MACROD2: variants seen among roughly 807,000 people sequenced by gnomAD.
MACROD2 encodes the protein ADP-ribose glycohydrolase MACROD2.
Under a neutral mutation model 70.4 loss-of-function variants are expected in MACROD2, and 36 were observed. That is an observed-to-expected ratio of 0.51 (90% CI 0.39 to 0.68). MACROD2 has a LOEUF of 0.68. Ranked by LOEUF, MACROD2 falls within the 30% of genes least tolerant of loss-of-function variation. The pLI, the probability that MACROD2 is intolerant of heterozygous loss-of-function variation, is 0.00. For synonymous variants in MACROD2, 172 were observed against 178.8 expected (o/e 0.96, Z 0.30); for missense variants, 496 against 538.4 (o/e 0.92, Z 0.78).
intron 3 of MACROD2, among the ~76,000 whole-genome samples, chr20:14,204,134 TG>T (rs1462465259): frequency 1.3e-5 from 2 of 152,084 alleles, no homozygotes; most frequent in African/African-American, 4.8e-5. Context: ...GACCTGCCAC[TG>T]GAGGGGGTGG....
intron 5 of MACROD2, among the ~76,000 whole-genome samples, chr20:14,803,202 A>G (rs1239219182): frequency 6.6e-6 from 1 of 152,138 alleles, no homozygotes; most frequent in Admixed American, 6.5e-5. Context: ...TCTATTACCA[A>G]GAAGTGGAGA....
At chr20:15,510,726 A>G (rs2047487488) in intron 8 of MACROD2, among the ~76,000 whole-genome samples, 1 of 152,226 alleles carries the variant, frequency 6.6e-6, no homozygotes, top group Non-Finnish European at 1.5e-5. Flanking sequence ...GGCTCAATGG[A>G]AAACATACTG....
At chr20:16,035,058 A>T (rs1438251806) in intron 15 of MACROD2, among the ~76,000 whole-genome samples, 1 of 136,350 alleles carries the variant, frequency 7.3e-6, no homozygotes, top group South Asian at 2.2e-4. Context: ...ATAGAATATA[A>T]AATATTATAT....
At position 16,050,764 on chromosome 20, in the gene MACROD2, G is replaced by C. The variant is rs1168453268; in HGVS notation, c.*888G>C. On this transcript the variant is annotated 3_prime_UTR_variant, in exon 18 of 18. Coordinates refer to ENST00000684519, the MANE Select transcript of MACROD2 (RefSeq NM_001351661.2). ...AAACATATGCCTATGAATATCAAAA[G>C]CTCCTCCTGAAATTGCTGTGAGTTT... 1 of 152,214 alleles carries C rather than the reference G, an allele frequency of 6.6e-6. No individual in the cohort carries two copies. The highest frequency in any genetic ancestry group is 1.5e-5 in the Non-Finnish European group (1 of 68,050). 9.4% of individuals were successfully genotyped at this position (152,214 alleles called of 1,614,324 possible).
chr20:14,213,383 A>AAAAAAAAAAAC (rs2081587021), intron 3 of MACROD2, among the ~76,000 whole-genome samples: 1 of 149,288 alleles, frequency 6.7e-6, no homozygotes, highest in Non-Finnish European at 1.5e-5. Flanking sequence ...AAAAAAAAAA[A>AAAAAAAAAAAC]AAAGGCCAAT....
intron 5 of MACROD2, among the ~76,000 whole-genome samples, chr20:14,931,205 G>A (rs901132165): frequency 3.5e-4 from 54 of 152,146 alleles, no homozygotes; most frequent in African/African-American, 1.3e-3. Context: ...GGGATGGCTC[G>A]GTAAGAGACC....
intron 7 of MACROD2, among the ~76,000 whole-genome samples, chr20:15,459,245 C>G (rs1012577954): frequency 6.6e-6 from 1 of 152,072 alleles, no homozygotes; most frequent in Non-Finnish European, 1.5e-5. Context: ...TTCTTCATTA[C>G]TATCTATGCA....
At chr20:15,257,365 T>G (rs781745839) in intron 6 of MACROD2, among the ~76,000 whole-genome samples, 2 of 152,040 alleles carry the variant, frequency 1.3e-5, no homozygotes, top group Non-Finnish European at 2.9e-5. Flanking sequence ...GTCATGAAAT[T>G]GAATTCGGCA....
chr20:15,870,013 T>C (rs1186013407), intron 9 of MACROD2, among the ~76,000 whole-genome samples: 1 of 152,082 alleles, frequency 6.6e-6, no homozygotes, highest in Non-Finnish European at 1.5e-5. Context: ...TTGATAATAA[T>C]TTTTAATATC....
intron 5 of MACROD2, among the ~76,000 whole-genome samples, chr20:15,220,399 G>A (rs976721140): frequency 6.6e-6 from 1 of 152,224 alleles, no homozygotes; most frequent in African/African-American, 2.4e-5. Context: ...CATATTCCCT[G>A]CAGTGGAAGC....
chr20:15,668,427 G>A (rs12481461), intron 8 of MACROD2, among the ~76,000 whole-genome samples: 6,000 of 151,882 alleles, frequency 0.04, 243 homozygotes, highest in East Asian at 0.2. Context: ...AATTAGCCAG[G>A]CGTGATGGCA....
intron 3 of MACROD2, among the ~76,000 whole-genome samples, chr20:14,164,635 G>T (rs984029505): frequency 6.6e-6 from 1 of 152,128 alleles, no homozygotes; most frequent in Admixed American, 6.5e-5. Context: ...GTGTGTGGGT[G>T]GGTGCCAGCT....
intron 3 of MACROD2, among the ~76,000 whole-genome samples, chr20:14,447,115 T>G (rs2084191615): frequency 6.6e-6 from 1 of 151,926 alleles, no homozygotes; most frequent in Non-Finnish European, 1.5e-5. Flanking sequence ...ACCTCCCGAG[T>G]TCAAGTGATT....
chr20:15,139,112 A>G (rs2076172581), intron 5 of MACROD2, among the ~76,000 whole-genome samples: 4 of 152,186 alleles, frequency 2.6e-5, no homozygotes, highest in Admixed American at 2.0e-4. Context: ...GAAACTTAGT[A>G]TTCGTTTTGG....
At chr20:15,292,338 G>A (rs1470816978) in intron 6 of MACROD2, among the ~76,000 whole-genome samples, 2 of 152,186 alleles carry the variant, frequency 1.3e-5, no homozygotes, top group Non-Finnish European at 2.9e-5. Flanking sequence ...CAGTTACTGT[G>A]AGAATAAATA....
At chr20:14,815,994 C>T (rs1235605241) in intron 5 of MACROD2, among the ~76,000 whole-genome samples, 1 of 151,982 alleles carries the variant, frequency 6.6e-6, no homozygotes, top group East Asian at 1.9e-4. Context: ...TGATTTTACT[C>T]CTGAATAACT....
chr20:14,863,457 T>A (rs1021027716), intron 5 of MACROD2, among the ~76,000 whole-genome samples: 1 of 152,110 alleles, frequency 6.6e-6, no homozygotes, highest in Non-Finnish European at 1.5e-5. Flanking sequence ...TATCAAATGC[T>A]TCTAATTGAA....
At chr20:14,746,542 G>A (rs2071802127) in intron 5 of MACROD2, among the ~76,000 whole-genome samples, 1 of 152,072 alleles carries the variant, frequency 6.6e-6, no homozygotes, top group Non-Finnish European at 1.5e-5. Flanking sequence ...TGTATAGCCT[G>A]TAATGTGTAA....
intron 3 of MACROD2, among the ~76,000 whole-genome samples, chr20:14,237,849 C>G (rs2081891560): frequency 6.6e-6 from 1 of 152,050 alleles, no homozygotes; most frequent in Admixed American, 6.6e-5. Context: ...CCAGCTTCAT[C>G]CATGTCCCCA....
Sources: gnomAD v4.1 joint callset for allele counts (sites outside exome capture counted in the v4.1 genomes callset) on GRCh38, gnomAD v4.1.1 for gene constraint, MANE v1.5 for transcripts, NCBI Gene and HGNC (gene_info 2026-07-23, HGNC 2026-07-21) for gene names.